Variants in PCDHA10 observed in about 807,000 individuals in gnomAD.
PCDHA10 encodes the protein protocadherin alpha 10.
A neutral mutation model predicts 61.2 loss-of-function variants in PCDHA10; 45 were observed. The ratio of observed to expected loss-of-function variants is 0.74; its 90% confidence interval spans 0.58 to 0.94. The LOEUF is 0.94. Ranked by LOEUF, PCDHA10 falls within the 40% of genes least tolerant of loss-of-function variation. The pLI, the probability that PCDHA10 is intolerant of heterozygous loss-of-function variation, is 0.00. For missense variants in PCDHA10, 1,278 were observed against 1,236.2 expected, an observed-to-expected ratio of 1.03 and a Z score of -0.51; for synonymous variants, 602 against 548.8, an observed-to-expected ratio of 1.10 and a Z score of -1.35.
intron 2 of PCDHA10, 38 bp from the exon 3 acceptor site, chr5:140,982,437 A>G: frequency 6.2e-7 from 1 of 1,613,390 alleles, no homozygotes; most frequent in East Asian, 2.2e-5. Flanking sequence ...GAAAGAATTT[A>G]TGATCTAACC....
At chr5:140,871,658 C>G in intron 1 of PCDHA10, 2 of 1,224,216 alleles carry the variant, frequency 1.6e-6, no homozygotes, top group Non-Finnish European at 2.2e-6. Context: ...TGATACACAT[C>G]TTCAGTCTTT....
intron 1 of PCDHA10, among the ~76,000 whole-genome samples, chr5:140,887,924 G>C (rs782008714): frequency 6.6e-5 from 10 of 152,026 alleles, no homozygotes; most frequent in Admixed American, 6.6e-4. Context: ...TCATTTCAGA[G>C]ACCATATTTA....
intron 1 of PCDHA10, chr5:140,967,407 G>A: frequency 6.2e-7 from 1 of 1,613,098 alleles, no homozygotes; most frequent in South Asian, 1.1e-5. Context: ...CTGCGTAAGG[G>A]CCTAGACCGG....
At chr5:140,939,411 AT>A (rs797027145) in intron 1 of PCDHA10, among the ~76,000 whole-genome samples, 1 of 152,050 alleles carries the variant, frequency 6.6e-6, no homozygotes, top group East Asian at 1.9e-4. Context: ...GTAAATCAGC[AT>A]TTTTTTCTTC....
intron 1 of PCDHA10, chr5:140,929,420 C>A: frequency 6.7e-7 from 1 of 1,502,700 alleles, no homozygotes; most frequent in Non-Finnish European, 8.9e-7. Context: ...CACAACATTT[C>A]ATCAATTGAA....
At chr5:140,863,421 CGTA>C in intron 1 of PCDHA10, 3 of 689,676 alleles carry the variant, frequency 4.3e-6, no homozygotes, top group Non-Finnish European at 7.6e-6. Flanking sequence ...TGTACCGCAG[CGTA>C]GTGGGATCTG....
Position 140,889,022 on chromosome 5 carries a change from G to A in PCDHA10, c.2388+30586G>A, listed in dbSNP as rs183317307. Among the ~76,000 whole-genome samples the A allele has an allele frequency of 5.5e-3, 837 of 151,922 alleles. 11 individuals are homozygous for A. The highest frequency in any genetic ancestry group is 0.019 in the African/African-American group (781 of 41,426). ...TGGCAAACCAACCTCTACTTCCTTG[G>A]ATAACCGTAATTTGATTATAATTTA... On this transcript the variant is annotated intron_variant, in intron 1 of 3. Coordinates refer to ENST00000307360, the MANE Select transcript of PCDHA10 (RefSeq NM_018901.4).
At chr5:141,005,114 G>A (rs2098198000) in intron 3 of PCDHA10, among the ~76,000 whole-genome samples, 2 of 152,042 alleles carry the variant, frequency 1.3e-5, no homozygotes, top group African/African-American at 2.4e-5. Flanking sequence ...TTGTCTTTAG[G>A]GACCCCAAAA....
chr5:140,890,945 G>A (rs2062873584), intron 1 of PCDHA10, among the ~76,000 whole-genome samples: 1 of 152,132 alleles, frequency 6.6e-6, no homozygotes, highest in Non-Finnish European at 1.5e-5. Flanking sequence ...AGATGCTGGT[G>A]AGGAATGATT....
At chr5:140,999,400 A>G (rs1331954466) in intron 3 of PCDHA10, among the ~76,000 whole-genome samples, 2 of 152,150 alleles carry the variant, frequency 1.3e-5, no homozygotes, top group Admixed American at 6.5e-5. Flanking sequence ...TGTTTTGCAT[A>G]TGAAAGAATG....
At chr5:140,911,338 A>G (rs1562979911) in intron 1 of PCDHA10, among the ~76,000 whole-genome samples, 1 of 152,040 alleles carries the variant, frequency 6.6e-6, no homozygotes, top group African/African-American at 2.4e-5. Context: ...TTTTCCAATC[A>G]ATGCCCTCAT....
In PCDHA10 at chr5:140,857,293, G is replaced by A. The variant is rs1554149807; in HGVS notation, c.1245G>A (p.Glu415=). The part of the protein sequence containing the change: ...SLVLDSALDR[E]RVSAYELVVT... ...TGCTGGACAGCGCTCTGGACCGCGA[G>A]AGGGTGTCGGCCTATGAGCTGGTGG... The change falls in exon 1 of 4, where the codon GAG becomes GAA. Residue 415 remains glutamate (E), a synonymous_variant. Coordinates refer to ENST00000307360, the MANE Select transcript of PCDHA10 (RefSeq NM_018901.4). 1 of 1,598,774 alleles carries A rather than the reference G, an allele frequency of 6.3e-7. No individual in the cohort carries two copies. Among genetic ancestry groups the A allele is most frequent in the Admixed American group, 1.7e-5 (1 of 59,346 alleles).
At chr5:141,004,434 G>T (rs1383958111) in intron 3 of PCDHA10, among the ~76,000 whole-genome samples, 2 of 152,186 alleles carry the variant, frequency 1.3e-5, no homozygotes, top group Non-Finnish European at 2.9e-5. Flanking sequence ...TGGAGTTTAG[G>T]CTGAGTCATA....
Position 140,857,523 on chromosome 5 carries a change from C to T in PCDHA10, c.1475C>T (p.Ser492Phe). The T allele has an allele frequency of 1.9e-6, 3 of 1,597,998 alleles. No homozygotes were observed. The highest frequency in any genetic ancestry group is 2.2e-5 in the South Asian group (2 of 90,530). The change falls in exon 1 of 4, where the codon TCT becomes TTT. Residue 492 changes from serine (S) to phenylalanine (F), a missense_variant. Ser to Phe is a radical substitution (Grantham distance 155). Coordinates refer to ENST00000307360, the MANE Select transcript of PCDHA10 (RefSeq NM_018901.4). ...CAGGAGAACGCCCTGGTGTCCTACT[C>T]TCTGGTGGAGCGGCGGTTGGGCGAG... ...DAQENALVSYSLVERRLGERS... is the reference protein window; with the variant it reads ...DAQENALVSYFLVERRLGERS...
intron 1 of PCDHA10, chr5:140,869,878 ACT>A: frequency 6.2e-7 from 1 of 1,610,122 alleles, no homozygotes; most frequent in Non-Finnish European, 8.5e-7. Context: ...TGCTAAAGAA[ACT>A]CTTGTGCTCA....
chr5:140,930,197 C>G (rs1417032734), intron 1 of PCDHA10: 1 of 152,080 alleles, frequency 6.6e-6, no homozygotes, highest in African/African-American at 2.4e-5. Flanking sequence ...ATTTTTATGT[C>G]AGAAATATTT....
intron 1 of PCDHA10, chr5:140,871,009 C>T (rs1288290775): frequency 1.9e-6 from 3 of 1,613,246 alleles, no homozygotes; most frequent in African/African-American, 2.7e-5. Flanking sequence ...AACGCGTGCC[C>T]TGGACGAGGC....
chr5:140,868,940 A>C, intron 1 of PCDHA10: 1 of 1,249,404 alleles, frequency 8.0e-7, no homozygotes, highest in South Asian at 1.6e-5. Context: ...GGTTGGTCTG[A>C]ACAGTGAGGC....
At chr5:141,001,726 T>G (rs2098034769) in intron 3 of PCDHA10, among the ~76,000 whole-genome samples, 1 of 152,116 alleles carries the variant, frequency 6.6e-6, no homozygotes, top group Admixed American at 6.6e-5. Flanking sequence ...GCTTGAGATA[T>G]TTTACAACCT....
Sources: allele counts gnomAD v4.1 joint callset (sites outside exome capture counted in the v4.1 genomes callset), GRCh38; gene constraint gnomAD v4.1.1; transcripts MANE v1.5; gene names NCBI Gene and HGNC (gene_info 2026-07-23, HGNC 2026-07-21).